Variants in ACVR1 observed in about 807,000 individuals in gnomAD.
ACVR1 encodes the protein activin A receptor type 1.
ACVR1 carries 38 observed loss-of-function variants against 57.1 expected under a neutral mutation model. That is an observed-to-expected ratio of 0.67 (90% CI 0.51 to 0.87). ACVR1 has a LOEUF of 0.87. Among genes scored for constraint, ACVR1 ranks in the 40% least tolerant of loss-of-function variants. The pLI is 0.00. For synonymous variants in ACVR1, 212 were observed against 228.1 expected, an observed-to-expected ratio of 0.93 and a Z score of 0.63; for missense variants, 463 against 638.2, an observed-to-expected ratio of 0.73 and a Z score of 2.96.
At chr2:157,791,396 T>A (rs1244247692) in intron 3 of ACVR1, among the ~76,000 whole-genome samples, 2 of 152,238 alleles carry the variant, frequency 1.3e-5, no homozygotes, top group African/African-American at 2.4e-5. Context: ...TTTTCTCTAA[T>A]ACCATAATTA....
At position 157,876,250 on chromosome 2, in the gene ACVR1, G is replaced by A. The variant is rs1010259348; in HGVS notation, c.-637C>T. Among the ~76,000 whole-genome samples, 9 of 149,248 alleles carry A rather than the reference G, an allele frequency of 6.0e-5. No individual in the cohort carries two copies. Among genetic ancestry groups the A allele is most frequent in the Admixed American group, 6.0e-4 (9 of 15,102 alleles). On this transcript the variant is annotated 5_prime_UTR_variant, in exon 1 of 11. Coordinates refer to ENST00000434821, the MANE Select transcript of ACVR1 (RefSeq NM_001111067.4). ...AGCTGGGCTTGCCCCCGGGGGCGGC[G>A]GGGGAGACCGTCACAGAGAGTAGAA...
intron 2 of ACVR1, among the ~76,000 whole-genome samples, chr2:157,810,869 G>C (rs1378887285): frequency 6.6e-6 from 1 of 152,200 alleles, no homozygotes; most frequent in Non-Finnish European, 1.5e-5. Context: ...TTCTGCCTTA[G>C]TCAATCCAGT....
At chr2:157,799,171 C>G (rs1687230661) in intron 3 of ACVR1, among the ~76,000 whole-genome samples, 1 of 152,094 alleles carries the variant, frequency 6.6e-6, no homozygotes, top group African/African-American at 2.4e-5. Context: ...GCTGGGATTA[C>G]AGGCGTGAGG....
At chr2:157,799,972 A>G (rs1279667970) in intron 2 of ACVR1, among the ~76,000 whole-genome samples, 10 of 152,246 alleles carry the variant, frequency 6.6e-5, no homozygotes, top group Non-Finnish European at 1.5e-4. Context: ...CTCCTTTAAA[A>G]GGACTGGAGG....
At chr2:157,762,588 A>T (rs1224020998) in intron 8 of ACVR1, among the ~76,000 whole-genome samples, 2 of 152,176 alleles carry the variant, frequency 1.3e-5, no homozygotes, top group African/African-American at 4.8e-5. Flanking sequence ...GCTTCAAAGA[A>T]CTTGTGGACA....
At chr2:157,845,984 GA>G (rs1689117068) in intron 1 of ACVR1, among the ~76,000 whole-genome samples, 2 of 152,194 alleles carry the variant, frequency 1.3e-5, no homozygotes, top group Admixed American at 1.3e-4. Context: ...AAAGATCCTT[GA>G]AAAACAAAAC....
chr2:157,755,707 T>G (rs191384515), intron 9 of ACVR1, among the ~76,000 whole-genome samples: 1 of 151,964 alleles, frequency 6.6e-6, no homozygotes, highest in Non-Finnish European at 1.5e-5. Context: ...CATGGATAGG[T>G]AGAATCAATA....
At position 157,796,766 on chromosome 2, in the gene ACVR1, T is replaced by C. The variant is rs750684577; in HGVS notation, c.67+2661A>G. Among the ~76,000 whole-genome samples, 40 of 151,756 alleles carry C rather than the reference T, an allele frequency of 2.6e-4. 1 individual carries two copies. Among genetic ancestry groups the C allele is most frequent in the Non-Finnish European group, 3.7e-4 (25 of 68,012 alleles). ...TCTCCAGCAATTATCAAGTATCCCC[T>C]GGGGGATAAAACTACCCCAATTGAA... On this transcript the variant is annotated intron_variant, in intron 3 of 10. Transcript: ENST00000434821.
chr2:157,772,641 G>A (rs752115690), intron 6 of ACVR1, among the ~76,000 whole-genome samples: 2 of 152,156 alleles, frequency 1.3e-5, no homozygotes, highest in Non-Finnish European at 2.9e-5. Flanking sequence ...GAATAGTAGT[G>A]GAGAGGGGAG....
intron 7 of ACVR1, among the ~76,000 whole-genome samples, chr2:157,767,053 C>T (rs916344762): frequency 3.3e-5 from 5 of 151,494 alleles, no homozygotes; most frequent in Admixed American, 6.6e-5. Flanking sequence ...TTTTTTGAGA[C>T]GAAGTTTCCC....
chr2:157,774,293 G>A, intron 5 of ACVR1, 106 bp from the exon 6 acceptor site: 1 of 844,722 alleles, frequency 1.2e-6, no homozygotes, highest in African/African-American at 1.7e-5. Context: ...CAGCAATCCG[G>A]GACACGTGGC....
intron 3 of ACVR1, among the ~76,000 whole-genome samples, chr2:157,787,137 T>C (rs1686742836): frequency 6.6e-6 from 1 of 152,180 alleles, no homozygotes; most frequent in Admixed American, 6.5e-5. Context: ...ACCTTCTATT[T>C]AGAAGCCAAA....
intron 1 of ACVR1, among the ~76,000 whole-genome samples, chr2:157,838,836 AT>A (rs1184823650): frequency 6.6e-6 from 1 of 152,128 alleles, no homozygotes; most frequent in Admixed American, 6.5e-5. Flanking sequence ...AAGGTCTCCA[AT>A]CCTGGTCCTT....
rs766193248 is a variant in ACVR1 at position 157,774,089 on chromosome 2, GAC to G, written c.640_641del (p.Val214ArgfsTer7). ...VARQITLLEC[V>X]GKGRYGEVWR... ...AAAGAAAGGAAAAAAAAGAATTACC[GAC>G]ACACTCCAACAGTGTAATCTGGCGA... is the stretch of plus-strand genomic sequence containing the variant. On this transcript the variant is annotated frameshift_variant and splice_region_variant, in exon 6 of 11. Coordinates refer to ENST00000434821, the MANE Select transcript of ACVR1 (RefSeq NM_001111067.4). LOFTEE classifies it high-confidence loss of function. 1 of 1,612,956 alleles carries G rather than the reference GAC, an allele frequency of 6.2e-7. No individual in the cohort carries two copies. Among genetic ancestry groups the G allele is most frequent in the Non-Finnish European group, 8.5e-7 (1 of 1,179,108 alleles).
chr2:157,816,724 C>T (rs1174963065), intron 2 of ACVR1, among the ~76,000 whole-genome samples: 1 of 152,198 alleles, frequency 6.6e-6, no homozygotes, highest in East Asian at 1.9e-4. Context: ...TCTAAGGAGG[C>T]TGCACAGACC....
chr2:157,865,804 A>AAAAAG, intron 1 of ACVR1, among the ~76,000 whole-genome samples: 1 of 144,614 alleles, frequency 6.9e-6, no homozygotes, highest in African/African-American at 2.6e-5. Flanking sequence ...TCAAAAAAAA[A>AAAAAG]AAAAAGAAAA....
At chr2:157,798,176 C>A (rs1687189548) in intron 3 of ACVR1, among the ~76,000 whole-genome samples, 1 of 151,836 alleles carries the variant, frequency 6.6e-6, no homozygotes, top group Non-Finnish European at 1.5e-5. Flanking sequence ...GAATTGAAAC[C>A]AGCACCTAAC....
chr2:157,750,842 A>G (rs781336475), intron 9 of ACVR1, among the ~76,000 whole-genome samples: 7 of 152,156 alleles, frequency 4.6e-5, no homozygotes, highest in Non-Finnish European at 2.9e-5. Flanking sequence ...AAAATACACA[A>G]ATAAATTGGA....
rs121912680 is a variant in ACVR1 at position 157,770,384 on chromosome 2, C to T, written c.774G>A (p.Arg258=). 12 of 1,613,938 alleles carry T rather than the reference C, an allele frequency of 7.4e-6. No homozygotes were observed. In the Admixed American group the frequency reaches 1.8e-4, roughly 25 times the overall value. ...ETELYNTVML[R]HENILGFIAS... The stretch of plus-strand genomic sequence containing the variant: ...TGTACTTACCTAAGATATTTTCATG[C>T]CTCAGCATCACAGTGTTGTACAATT... The change falls in exon 7 of 11, where the codon AGG becomes AGA. Residue 258 remains arginine, a synonymous_variant. Transcript: ENST00000434821.
Sources: gnomAD v4.1 joint callset for allele counts (sites outside exome capture counted in the v4.1 genomes callset) on GRCh38, gnomAD v4.1.1 for gene constraint, MANE v1.5 for transcripts, NCBI Gene and HGNC (gene_info 2026-07-23, HGNC 2026-07-21) for gene names.